Variants in NCKAP1 observed in about 807,000 individuals in gnomAD.
NCKAP1 encodes NCK associated protein 1.
Under a neutral mutation model 151.2 loss-of-function variants are expected in NCKAP1, and 21 were observed. The observed-to-expected ratio is 0.14, with a 90% CI of 0.10 to 0.20. NCKAP1 has a LOEUF of 0.20. NCKAP1 is among the 10% of genes least tolerant of loss of function. The pLI, the probability that NCKAP1 is intolerant of heterozygous loss-of-function variation, is 1.00. For missense variants in NCKAP1, 933 were observed against 1,352.1 expected, an observed-to-expected ratio of 0.69 and a Z score of 4.86; for synonymous variants, 484 against 451.8, an observed-to-expected ratio of 1.07 and a Z score of -0.90.
chr2:182,940,643 T>C (rs1458071080), intron 24 of NCKAP1, among the ~76,000 whole-genome samples: 2 of 152,248 alleles, frequency 1.3e-5, no homozygotes, highest in Non-Finnish European at 2.9e-5. Context: ...TTTCAATATG[T>C]TGGCCAGGCT....
At chr2:182,941,485 C>A (rs749179471) in intron 24 of NCKAP1, among the ~76,000 whole-genome samples, 2 of 152,108 alleles carry the variant, frequency 1.3e-5, no homozygotes, top group African/African-American at 2.4e-5. Flanking sequence ...GTGAAAGAGG[C>A]CAGACACAAA....
intron 1 of NCKAP1, among the ~76,000 whole-genome samples, chr2:183,027,888 A>G (rs980777032): frequency 6.6e-6 from 1 of 152,198 alleles, no homozygotes; most frequent in Non-Finnish European, 1.5e-5. Flanking sequence ...TTGAAATCAT[A>G]TATCTTTCTA....
At chr2:182,940,785 A>G (rs1456313179) in intron 24 of NCKAP1, among the ~76,000 whole-genome samples, 3 of 152,228 alleles carry the variant, frequency 2.0e-5, no homozygotes, top group Non-Finnish European at 4.4e-5. Flanking sequence ...TGTAACACAC[A>G]GTGATATGTG....
chr2:183,017,002 A>G (rs540981852), intron 2 of NCKAP1, among the ~76,000 whole-genome samples: 1 of 152,314 alleles, frequency 6.6e-6, no homozygotes, highest in Non-Finnish European at 1.5e-5. Flanking sequence ...TGTAGTTTAA[A>G]TAACTAAGTG....
At chr2:182,988,777 C>T (rs1196801057) in intron 9 of NCKAP1, among the ~76,000 whole-genome samples, 1 of 152,066 alleles carries the variant, frequency 6.6e-6, no homozygotes, top group Non-Finnish European at 1.5e-5. Flanking sequence ...GACATATCTT[C>T]CTTCTCCTAT....
chr2:182,949,025 A>AGAT (rs1458437169), intron 23 of NCKAP1, among the ~76,000 whole-genome samples: 3 of 152,228 alleles, frequency 2.0e-5, no homozygotes, highest in African/African-American at 7.2e-5. Context: ...AGGAAGAGAA[A>AGAT]GATGATACAT....
intron 2 of NCKAP1, among the ~76,000 whole-genome samples, chr2:183,018,023 C>T (rs747130492): frequency 3.3e-5 from 5 of 151,968 alleles, no homozygotes; most frequent in African/African-American, 1.2e-4. Context: ...CTGGGGCGGA[C>T]GGATTGCCTG....
chr2:182,953,335 G>A lies in NCKAP1; in HGVS notation c.2154-4C>T, dbSNP rs1697257629. ...CATAGTCATCCCAACAATTGACCTG[G>A]GAAGAAGGGATAGAAGAATAAGAAA... On this transcript the variant is annotated splice_region_variant and splice_polypyrimidine_tract_variant and intron_variant, in intron 20 of 30. Coordinates refer to ENST00000361354, the MANE Select transcript of NCKAP1 (RefSeq NM_013436.5). 2 of 1,598,940 alleles carry A rather than the reference G, an allele frequency of 1.3e-6. No homozygotes were observed. The highest frequency in any genetic ancestry group is 1.3e-5 in the African/African-American group (1 of 74,330).
Position 182,913,766 on chromosome 2 carries a change from C to T in NCKAP1, c.*11936G>A, listed in dbSNP as rs1400278356. ...ATTAAAATGAAAAAAGAGTCTACTT[C>T]CTAATTCTCATCCTCTCATGCTTCT... On this transcript the variant is annotated 3_prime_UTR_variant, in exon 31 of 31. Transcript: ENST00000361354. 6.6e-6 allele frequency: 1 copy of T among 152,098 alleles called. No homozygotes were observed. Among genetic ancestry groups the T allele is most frequent in the East Asian group, 1.9e-4 (1 of 5,194 alleles). The allele number at this position is 152,098 out of a possible 1,614,324, so 9.4% of individuals were successfully genotyped here.
At chr2:182,956,761 AAG>A (rs1387450039) in intron 19 of NCKAP1, 168 bp from the exon 20 acceptor site, 1 of 603,354 alleles carries the variant, frequency 1.7e-6, no homozygotes, top group Non-Finnish European at 2.7e-6. Flanking sequence ...ACTAACACAT[AAG>A]AGCAATATTC....
chr2:183,011,760 C>T (rs1415772459), intron 2 of NCKAP1, among the ~76,000 whole-genome samples: 1 of 152,126 alleles, frequency 6.6e-6, no homozygotes, highest in Non-Finnish European at 1.5e-5. Flanking sequence ...CATTTCTCTT[C>T]GGATAAGTCC....
At chr2:182,934,660 A>C in intron 26 of NCKAP1, 92 bp downstream of exon 26, 1 of 706,250 alleles carries the variant, frequency 1.4e-6, no homozygotes, top group Admixed American at 3.0e-5. Context: ...GAAACCTTAC[A>C]GTAGTTTAGG....
Position 182,948,406 on chromosome 2 carries a change from G to A in NCKAP1, c.2601+3999C>T, listed in dbSNP as rs190544678. Among the ~76,000 whole-genome samples the A allele has an allele frequency of 5.3e-5, 8 of 152,062 alleles. No homozygotes were observed. The South Asian group carries it at 6.2e-4, about 12-fold the overall frequency. ...TAAAAAGTCAACATTGTTTACAGTC[G>A]TTCCGCATTCCCCTAACTTTAAATT... On this transcript the variant is annotated intron_variant, in intron 23 of 30. Coordinates refer to ENST00000361354, the MANE Select transcript of NCKAP1 (RefSeq NM_013436.5).
At chr2:182,963,748 C>T (rs755716696) in intron 17 of NCKAP1, among the ~76,000 whole-genome samples, 15 of 152,092 alleles carry the variant, frequency 9.9e-5, no homozygotes, top group Non-Finnish European at 1.8e-4. Flanking sequence ...GTTAATAATA[C>T]ATCTCAGGTG....
chr2:182,952,326 G>T lies in NCKAP1; in HGVS notation c.2601+79C>A, dbSNP rs540118067. 4.6e-6 allele frequency: 4 copies of T among 867,266 alleles called. No homozygotes were observed. In the East Asian group the frequency reaches 8.1e-5, roughly 18 times the overall value. The allele number at this position is 867,266 out of a possible 1,614,324, so 53.7% of individuals were successfully genotyped here. On this transcript the variant is annotated intron_variant, in intron 23 of 30. Transcript: ENST00000361354. ...ATGTTGGATTAAAATAATTAACATT[G>T]TAGGCTTGTTGCTCATATCCCTGAA...
chr2:183,017,710 G>T (rs574812980), intron 2 of NCKAP1, among the ~76,000 whole-genome samples: 1 of 152,296 alleles, frequency 6.6e-6, no homozygotes, highest in South Asian at 2.1e-4. Context: ...TATGTACTTA[G>T]TTGAAGCCAC....
intron 2 of NCKAP1, among the ~76,000 whole-genome samples, chr2:183,021,925 A>G (rs1253699939): frequency 6.6e-6 from 1 of 152,040 alleles, no homozygotes; most frequent in Non-Finnish European, 1.5e-5. Context: ...TACACTTTGA[A>G]TGGGTGAATT....
chr2:182,925,658 C>T lies in NCKAP1; in HGVS notation c.*44G>A. 1 of 1,210,918 alleles carries T rather than the reference C, an allele frequency of 8.3e-7. No homozygotes were observed. Among genetic ancestry groups the T allele is most frequent in the Non-Finnish European group, 1.2e-6 (1 of 863,188 alleles). 75.0% of individuals were successfully genotyped at this position (1,210,918 alleles called of 1,614,324 possible). On this transcript the variant is annotated 3_prime_UTR_variant, in exon 31 of 31. Coordinates refer to ENST00000361354, the MANE Select transcript of NCKAP1 (RefSeq NM_013436.5). ...TAGTTCCACAGTCTACAGGTAAAAC[C>T]AAGGCAACAAAAATGCGTGCTTATC... is the stretch of plus-strand genomic sequence containing the variant.
Position 182,972,244 on chromosome 2 carries a change from AAC to A in NCKAP1, c.1482+4647_1482+4648del, listed in dbSNP as rs1455341875. Reference sequence around the variant, plus strand: ...AATAGCAAAAAAAAAAAAAAAAAAAAACAAAACTGATTTTAAAAATGGGCAAA... The same window carrying A: ...AATAGCAAAAAAAAAAAAAAAAAAAAAAAACTGATTTTAAAAATGGGCAAA... On this transcript the variant is annotated intron_variant, in intron 15 of 30. Coordinates refer to ENST00000361354, the MANE Select transcript of NCKAP1 (RefSeq NM_013436.5). Among the ~76,000 whole-genome samples the A allele has an allele frequency of 2.6e-3, 386 of 147,096 alleles. 5 individuals carry two copies. The highest frequency in any genetic ancestry group is 5.3e-3 in the South Asian group (25 of 4,678).
Sources: gnomAD v4.1 joint callset for allele counts (sites outside exome capture counted in the v4.1 genomes callset) on GRCh38, gnomAD v4.1.1 for gene constraint, MANE v1.5 for transcripts, NCBI Gene and HGNC (gene_info 2026-07-23, HGNC 2026-07-21) for gene names.